Variants in NR5A2 observed in about 807,000 individuals in gnomAD.
NR5A2 encodes the protein CYP7A promoter-binding factor.
A neutral mutation model predicts 62.7 loss-of-function variants in NR5A2; 26 were observed. That is an observed-to-expected ratio of 0.41 (90% CI 0.30 to 0.58). The LOEUF (loss-of-function observed/expected upper bound fraction) is 0.58. NR5A2 is among the 20% of genes least tolerant of loss of function. The pLI is 0.22. For synonymous variants in NR5A2, 246 were observed against 241.7 expected (o/e 1.02, Z -0.16); for missense variants, 541 against 669.1 (o/e 0.81, Z 2.11).
chr1:200,113,731 C>T (rs1397174402), intron 6 of NR5A2, among the ~76,000 whole-genome samples: 1 of 152,082 alleles, frequency 6.6e-6, no homozygotes, highest in Admixed American at 6.5e-5. Flanking sequence ...AAATACTTCC[C>T]TGAGTGTAAA....
At chr1:200,155,283 T>C (rs1653323694) in intron 7 of NR5A2, among the ~76,000 whole-genome samples, 1 of 152,248 alleles carries the variant, frequency 6.6e-6, no homozygotes, top group Non-Finnish European at 1.5e-5. Flanking sequence ...GCATTTTTTC[T>C]TTAAAAAACC....
intron 5 of NR5A2, among the ~76,000 whole-genome samples, chr1:200,105,705 A>G (rs1665617940): frequency 1.3e-5 from 2 of 152,298 alleles, no homozygotes; most frequent in South Asian, 4.1e-4. Context: ...TAGTCCCAGC[A>G]CTTTGGAACA....
chr1:200,133,203 C>A (rs190945940), intron 7 of NR5A2, among the ~76,000 whole-genome samples: 1 of 152,068 alleles, frequency 6.6e-6, no homozygotes, highest in Non-Finnish European at 1.5e-5. Flanking sequence ...TTCCCAGAAA[C>A]GTGGGGAATG....
chr1:200,093,352 C>T (rs1289356261), intron 5 of NR5A2, among the ~76,000 whole-genome samples: 1 of 152,120 alleles, frequency 6.6e-6, no homozygotes, highest in East Asian at 1.9e-4. Context: ...GGAAGTAGGG[C>T]TTGGTGAATC....
In NR5A2 at chr1:200,043,832, C is replaced by T. The variant is rs753645735; in HGVS notation, c.261C>T (p.Pro87=). 60 of 1,613,644 alleles carry T rather than the reference C, an allele frequency of 3.7e-5. 1 individual carries two copies. Among genetic ancestry groups the T allele is most frequent in the South Asian group, 3.2e-4 (29 of 91,020 alleles). ...ATGAAGATCTGGAAGAGCTTTGTCCCGTGTGTGGAGATAAAGTGTCTGGGT... is the reference window on the plus strand; with the variant it reads ...ATGAAGATCTGGAAGAGCTTTGTCCTGTGTGTGGAGATAAAGTGTCTGGGT... ...SYDEDLEELC[P]VCGDKVSGYH... The change falls in exon 3 of 8, where the codon CCC becomes CCT. Residue 87 remains proline, a synonymous_variant. Transcript: ENST00000367362.
intron 1 of NR5A2, among the ~76,000 whole-genome samples, chr1:200,036,774 G>C (rs1462133920): frequency 6.6e-6 from 1 of 152,134 alleles, no homozygotes; most frequent in Non-Finnish European, 1.5e-5. Flanking sequence ...AGTTCCCTTG[G>C]TTCTTAGGAA....
chr1:200,070,646 C>G (rs546007176), intron 5 of NR5A2, among the ~76,000 whole-genome samples: 4 of 150,954 alleles, frequency 2.6e-5, no homozygotes, highest in Non-Finnish European at 5.9e-5. Flanking sequence ...CACCACTGCA[C>G]TCCAGCCTAG....
intron 1 of NR5A2, among the ~76,000 whole-genome samples, chr1:200,034,811 TTTTA>T (rs1255961505): frequency 1.8e-4 from 17 of 96,072 alleles, no homozygotes; most frequent in Non-Finnish European, 3.2e-4. Context: ...TTTTTTTTTT[TTTTA>T]AACAAGGCAC....
chr1:200,169,302 T>C (rs1053352573), intron 7 of NR5A2, among the ~76,000 whole-genome samples: 1 of 152,106 alleles, frequency 6.6e-6, no homozygotes, highest in East Asian at 1.9e-4. Context: ...GACTAAGGAA[T>C]TTTTTCCCAC....
At chr1:200,041,052 A>C (rs1357477650) in intron 2 of NR5A2, among the ~76,000 whole-genome samples, 2 of 150,722 alleles carry the variant, frequency 1.3e-5, no homozygotes, top group East Asian at 4.0e-4. Context: ...CTGGAATTCC[A>C]GTTTAGTGTG....
chr1:200,120,073 C>T (rs968755420), intron 6 of NR5A2, among the ~76,000 whole-genome samples: 1 of 151,966 alleles, frequency 6.6e-6, no homozygotes, highest in South Asian at 2.1e-4. Flanking sequence ...TTATGTCATG[C>T]TTTTTAGGAA....
intron 1 of NR5A2, among the ~76,000 whole-genome samples, chr1:200,029,981 G>A (rs1661494090): frequency 6.6e-6 from 1 of 152,220 alleles, no homozygotes; most frequent in Non-Finnish European, 1.5e-5. Flanking sequence ...TGAGGGAGAG[G>A]AACAGAGGGC....
chr1:200,075,487 T>C (rs1428536326), intron 5 of NR5A2, among the ~76,000 whole-genome samples: 1 of 152,232 alleles, frequency 6.6e-6, no homozygotes, highest in Non-Finnish European at 1.5e-5. Context: ...GCAAATTAAT[T>C]TGGAGCATGC....
intron 7 of NR5A2, among the ~76,000 whole-genome samples, chr1:200,129,400 A>G (rs1444134526): frequency 1.3e-5 from 2 of 152,240 alleles, no homozygotes; most frequent in Admixed American, 6.5e-5. Context: ...TAAGTGAGGC[A>G]TACAAAAGGC....
intron 1 of NR5A2, among the ~76,000 whole-genome samples, chr1:200,032,693 A>G (rs1044645525): frequency 6.6e-6 from 1 of 152,152 alleles, no homozygotes; most frequent in Non-Finnish European, 1.5e-5. Flanking sequence ...CCAGCGTAAT[A>G]TATTTCTTTC....
chr1:200,094,243 GAC>G (rs1368667690), intron 5 of NR5A2, among the ~76,000 whole-genome samples: 9 of 150,558 alleles, frequency 6.0e-5, no homozygotes, highest in South Asian at 4.2e-4. Context: ...GGAGTGCAGT[GAC>G]GCCATCTCTG....
intron 7 of NR5A2, among the ~76,000 whole-genome samples, chr1:200,173,182 A>C (rs1654260362): frequency 6.6e-6 from 1 of 152,158 alleles, no homozygotes; most frequent in African/African-American, 2.4e-5. Flanking sequence ...AGTCATCAGG[A>C]GTTAGGCGGA....
intron 1 of NR5A2, chr1:200,029,319 T>C (rs1360742370): frequency 1.2e-5 from 2 of 171,692 alleles, no homozygotes; most frequent in Non-Finnish European, 2.4e-5. Flanking sequence ...AGAGTTGAGC[T>C]GGGTCGGGAG....
intron 5 of NR5A2, among the ~76,000 whole-genome samples, chr1:200,068,654 T>C (rs958702724): frequency 6.6e-6 from 1 of 152,162 alleles, no homozygotes; most frequent in South Asian, 2.1e-4. Flanking sequence ...TACAAAAACA[T>C]TAGACCTGGA....
Sources: allele counts gnomAD v4.1 joint callset (sites outside exome capture counted in the v4.1 genomes callset), GRCh38; gene constraint gnomAD v4.1.1; transcripts MANE v1.5; gene names NCBI Gene and HGNC (gene_info 2026-07-23, HGNC 2026-07-21).